The following ST6GALNAC5 variants were observed in gnomAD, a reference collection of about 807,000 sequenced individuals.
ST6GALNAC5 encodes the protein ST6 N-acetylgalactosaminide alpha-2,6-sialyltransferase 5.
A neutral mutation model predicts 33.6 loss-of-function variants in ST6GALNAC5; 27 were observed. That is an observed-to-expected ratio of 0.80 (90% CI 0.59 to 1.11). The LOEUF (loss-of-function observed/expected upper bound fraction) is 1.11, where lower values mean the gene tolerates loss of function less well. ST6GALNAC5 is among the 50% of genes least tolerant of loss of function. ST6GALNAC5 has a pLI of 0.00. For synonymous variants in ST6GALNAC5, 194 were observed against 171.2 expected, an observed-to-expected ratio of 1.13 and a Z score of -1.04; for missense variants, 428 against 454.0, an observed-to-expected ratio of 0.94 and a Z score of 0.52.
intron 2 of ST6GALNAC5, among the ~76,000 whole-genome samples, chr1:76,895,050 A>G (rs967072705): frequency 1.3e-5 from 2 of 152,102 alleles, no homozygotes; most frequent in Non-Finnish European, 2.9e-5. Context: ...AGCCAGGATG[A>G]GCCAGGAGAA....
In ST6GALNAC5 at chr1:76,939,921, C is replaced by T. The variant is rs148717393; in HGVS notation, c.261+71179C>T. On this transcript the variant is annotated intron_variant, in intron 2 of 4. Coordinates refer to ENST00000477717, the MANE Select transcript of ST6GALNAC5 (RefSeq NM_030965.3). ...GGGGAACTTACTTAACCTCTTCAGA[C>T]CTCAATTTCCTTATCTTTAAAACCG... Among the ~76,000 whole-genome samples the T allele has an allele frequency of 2.5e-4, 38 of 152,182 alleles. 1 individual carries two copies. Among genetic ancestry groups the T allele is most frequent in the African/African-American group, 9.1e-4 (38 of 41,544 alleles).
chr1:76,926,923 A>G (rs1557725721), intron 2 of ST6GALNAC5, among the ~76,000 whole-genome samples: 1 of 152,172 alleles, frequency 6.6e-6, no homozygotes, highest in Non-Finnish European at 1.5e-5. Flanking sequence ...TTTCATTAAT[A>G]GTACAATCAA....
At chr1:76,982,767 G>T (rs1649309552) in intron 2 of ST6GALNAC5, among the ~76,000 whole-genome samples, 2 of 152,298 alleles carry the variant, frequency 1.3e-5, no homozygotes, top group East Asian at 3.9e-4. Flanking sequence ...AGAAAGAAAG[G>T]TCGGGTTACC....
At chr1:76,923,407 C>T (rs558388839) in intron 2 of ST6GALNAC5, among the ~76,000 whole-genome samples, 1 of 152,044 alleles carries the variant, frequency 6.6e-6, no homozygotes, top group East Asian at 1.9e-4. Context: ...AAAGGATTAC[C>T]CACAGCCGAG....
At chr1:77,019,385 T>C (rs534365394) in intron 2 of ST6GALNAC5, among the ~76,000 whole-genome samples, 2 of 152,310 alleles carry the variant, frequency 1.3e-5, no homozygotes, top group African/African-American at 4.8e-5. Flanking sequence ...GCCAGATTTG[T>C]TTTCATCACT....
At chr1:76,944,096 G>T (rs951044512) in intron 2 of ST6GALNAC5, among the ~76,000 whole-genome samples, 2 of 152,050 alleles carry the variant, frequency 1.3e-5, no homozygotes, top group African/African-American at 4.8e-5. Flanking sequence ...TTACCCCAAG[G>T]TTGCCCAATG....
rs369066555 is a variant in ST6GALNAC5 at position 76,953,329 on chromosome 1, A to G, written c.261+84587A>G. 2.4e-3 allele frequency among the ~76,000 whole-genome samples: 367 copies of G among 152,236 alleles called. 3 individuals are homozygous for G. Among genetic ancestry groups the G allele is most frequent in the African/African-American group, 8.3e-3 (345 of 41,540 alleles). On this transcript the variant is annotated intron_variant, in intron 2 of 4. Transcript: ENST00000477717. Reference sequence around the variant, plus strand: ...AGAGATCAAGCTTCTCTGTATTCTCACCAGCATTTTGTGTTGTCACTGTTT... The same window carrying G: ...AGAGATCAAGCTTCTCTGTATTCTCGCCAGCATTTTGTGTTGTCACTGTTT...
At chr1:77,060,059 G>T (rs566005449) in intron 4 of ST6GALNAC5, 1 of 152,036 alleles carries the variant, frequency 6.6e-6, no homozygotes, top group Admixed American at 6.6e-5. Flanking sequence ...CTCCCCAACC[G>T]CACTAAATGT....
At chr1:76,966,543 A>G (rs1446835107) in intron 2 of ST6GALNAC5, among the ~76,000 whole-genome samples, 2 of 152,234 alleles carry the variant, frequency 1.3e-5, no homozygotes, top group Non-Finnish European at 1.5e-5. Context: ...GTCATCTGCA[A>G]AAAGGGACAA....
At chr1:76,926,029 C>T (rs1285451095) in intron 2 of ST6GALNAC5, among the ~76,000 whole-genome samples, 1 of 152,138 alleles carries the variant, frequency 6.6e-6, no homozygotes, top group Admixed American at 6.6e-5. Flanking sequence ...TCCGTGCCTC[C>T]CACTCCAGCT....
chr1:76,970,629 C>A (rs1334977451), intron 2 of ST6GALNAC5, among the ~76,000 whole-genome samples: 1 of 152,166 alleles, frequency 6.6e-6, no homozygotes, highest in Non-Finnish European at 1.5e-5. Context: ...TTGGAAAACA[C>A]TCTTCAGGAT....
intron 2 of ST6GALNAC5, among the ~76,000 whole-genome samples, chr1:77,021,137 C>A (rs1651039048): frequency 6.6e-6 from 1 of 152,128 alleles, no homozygotes; most frequent in Admixed American, 6.5e-5. Context: ...GGGGAAGTGT[C>A]AAAGAATTTG....
intron 2 of ST6GALNAC5, among the ~76,000 whole-genome samples, chr1:76,956,930 C>G (rs116257397): frequency 5.3e-5 from 8 of 152,224 alleles, no homozygotes; most frequent in African/African-American, 1.7e-4. Flanking sequence ...GAGATAACCT[C>G]TATTGATTGG....
chr1:76,999,815 T>G (rs1311501665), intron 2 of ST6GALNAC5, among the ~76,000 whole-genome samples: 4 of 142,604 alleles, frequency 2.8e-5, no homozygotes, highest in African/African-American at 7.3e-5. Flanking sequence ...ACAAAGGACA[T>G]GAACTCATCA....
chr1:77,005,736 C>G (rs954195278), intron 2 of ST6GALNAC5, among the ~76,000 whole-genome samples: 23 of 152,184 alleles, frequency 1.5e-4, no homozygotes, highest in Non-Finnish European at 1.3e-4. Flanking sequence ...TTGGTAACCA[C>G]TATTCTAGTT....
chr1:76,969,672 G>C (rs920539726), intron 2 of ST6GALNAC5, among the ~76,000 whole-genome samples: 3 of 152,178 alleles, frequency 2.0e-5, no homozygotes, highest in Non-Finnish European at 4.4e-5. Flanking sequence ...AAAGAGAGCA[G>C]TGGTTCTCCC....
chr1:76,952,816 A>G (rs1647805189), intron 2 of ST6GALNAC5, among the ~76,000 whole-genome samples: 2 of 152,102 alleles, frequency 1.3e-5, no homozygotes, highest in South Asian at 2.1e-4. Flanking sequence ...CCCCATCACC[A>G]TAAAGGAACA....
chr1:76,965,188 C>G (rs977618311), intron 2 of ST6GALNAC5, among the ~76,000 whole-genome samples: 4 of 148,476 alleles, frequency 2.7e-5, no homozygotes, highest in Non-Finnish European at 5.9e-5. Context: ...GCCACACTGT[C>G]TTCCGCAATG....
chr1:77,049,633 G>T (rs543064618), intron 3 of ST6GALNAC5, among the ~76,000 whole-genome samples: 4 of 152,296 alleles, frequency 2.6e-5, no homozygotes, highest in South Asian at 4.1e-4. Flanking sequence ...TATGTAAAAT[G>T]AAGCAAATGT....
Sources: gnomAD v4.1 joint callset for allele counts (sites outside exome capture counted in the v4.1 genomes callset) on GRCh38, gnomAD v4.1.1 for gene constraint, MANE v1.5 for transcripts, NCBI Gene and HGNC (gene_info 2026-07-23, HGNC 2026-07-21) for gene names.